PRRX1: variants seen among roughly 807,000 people sequenced by gnomAD.
PRRX1 encodes the protein paired related homeobox 1, also known as paired mesoderm homeobox protein 1.
Under a neutral mutation model 24.0 loss-of-function variants are expected in PRRX1, and 8 were observed. The ratio of observed to expected loss-of-function variants is 0.33; its 90% CI spans 0.20 to 0.60. The LOEUF is 0.60. Among genes scored for constraint, PRRX1 ranks in the 20% least tolerant of loss-of-function variants. The probability of loss-of-function intolerance (pLI) is 0.82; values close to 1 mark genes in which losing one functional copy is unlikely to be tolerated. For missense variants in PRRX1, 281 were observed against 322.4 expected (o/e 0.87, Z 0.98); for synonymous variants, 160 against 131.7 (o/e 1.22, Z -1.47).
chr1:170,711,614 G>T (rs569722580), intron 1 of PRRX1, among the ~76,000 whole-genome samples: 17 of 152,210 alleles, frequency 1.1e-4, no homozygotes, highest in Non-Finnish European at 1.5e-4. Context: ...ATTGAAAAAG[G>T]TGACATATGA....
chr1:170,687,396 C>T (rs966349255), intron 1 of PRRX1, among the ~76,000 whole-genome samples: 1 of 152,138 alleles, frequency 6.6e-6, no homozygotes, highest in Non-Finnish European at 1.5e-5. Context: ...CAGGGATGCT[C>T]CCCAACTTTT....
upstream of PRRX1, chr1:170,663,721 A>G (rs1371566049): frequency 6.5e-6 from 1 of 153,158 alleles, no homozygotes; most frequent in Admixed American, 6.5e-5. Context: ...TAACCTTTAA[A>G]AAAACCATTC....
chr1:170,724,648 C>T (rs1418349167), intron 2 of PRRX1, among the ~76,000 whole-genome samples: 1 of 152,006 alleles, frequency 6.6e-6, no homozygotes, highest in Non-Finnish European at 1.5e-5. Context: ...TGTGTGTGTG[C>T]TTTTGTACTA....
intron 1 of PRRX1, among the ~76,000 whole-genome samples, chr1:170,682,351 C>CGCCACTGCACTCCAGCCTGGG (rs1183614768): frequency 1.8e-4 from 27 of 149,982 alleles, no homozygotes; most frequent in South Asian, 6.4e-4. Context: ...CTTAAGAATG[C>CGCCACTGCACTCCAGCCTGGG]CAGTAAGGTT....
chr1:170,675,224 G>T (rs971175117), intron 1 of PRRX1, among the ~76,000 whole-genome samples: 3 of 152,022 alleles, frequency 2.0e-5, no homozygotes, highest in African/African-American at 7.2e-5. Flanking sequence ...TTCCTTTTCT[G>T]CTTGTTCTAG....
intron 3 of PRRX1, among the ~76,000 whole-genome samples, chr1:170,729,813 A>G (rs1655371324): frequency 1.3e-5 from 2 of 152,226 alleles, no homozygotes; most frequent in African/African-American, 4.8e-5. Flanking sequence ...GGCCAGTTAA[A>G]GGAAGCTTGT....
chr1:170,738,799 C>G lies in PRRX1; in HGVS notation c.*2613C>G, dbSNP rs1398455428. 4.4e-6 allele frequency: 1 copy of G among 228,428 alleles called. No individual in the cohort carries two copies. The highest frequency in any genetic ancestry group is 5.7e-5 in the Admixed American group (1 of 17,594). 14.2% of individuals were successfully genotyped at this position (228,428 alleles called of 1,614,324 possible). ...CCATTTCCAGTGGCAAACAGCAAAG[C>G]CTGAACCCATAAACCCAAATGATAG... On this transcript the variant is annotated 3_prime_UTR_variant, in exon 4 of 4. Transcript: ENST00000239461.
chr1:170,715,095 G>C (rs115084412), intron 1 of PRRX1, among the ~76,000 whole-genome samples: 1,878 of 152,078 alleles, frequency 0.012, 35 homozygotes, highest in African/African-American at 0.043. Context: ...AGACCACAAG[G>C]CTTTTTCCCT....
chr1:170,682,658 T>A (rs1653593519), intron 1 of PRRX1, among the ~76,000 whole-genome samples: 1 of 152,178 alleles, frequency 6.6e-6, no homozygotes, highest in South Asian at 2.1e-4. Flanking sequence ...GTACCTACTA[T>A]GTGCCAGTCA....
intron 1 of PRRX1, among the ~76,000 whole-genome samples, chr1:170,717,677 G>T (rs1242855951): frequency 6.6e-6 from 1 of 151,714 alleles, no homozygotes; most frequent in African/African-American, 2.4e-5. Flanking sequence ...ACAAGGGCTT[G>T]TATTACTTAG....
chr1:170,664,606 C>A, intron 1 of PRRX1, 147 bp downstream of exon 1: 1 of 1,304,634 alleles, frequency 7.7e-7, no homozygotes, highest in Non-Finnish European at 1.0e-6. Flanking sequence ...AAGGGCCAGT[C>A]ACAGGGGAAA....
intron 3 of PRRX1, chr1:170,726,617 C>T: frequency 1.8e-6 from 1 of 563,006 alleles, no homozygotes; most frequent in Non-Finnish European, 3.1e-6. Flanking sequence ...GCTATCTCAC[C>T]AATCTCCTCT....
chr1:170,670,084 A>T (rs768172477), intron 1 of PRRX1, among the ~76,000 whole-genome samples: 1 of 152,170 alleles, frequency 6.6e-6, no homozygotes. Flanking sequence ...ATTACAGGCA[A>T]TGTTTGGATA....
At chr1:170,724,566 T>C (rs1438419350) in intron 2 of PRRX1, among the ~76,000 whole-genome samples, 2 of 152,216 alleles carry the variant, frequency 1.3e-5, no homozygotes, top group African/African-American at 4.8e-5. Context: ...CTTGTTTTTG[T>C]CAGGCTTGAT....
At chr1:170,730,115 C>CTTG in intron 3 of PRRX1, 19 of 748,514 alleles carry the variant, frequency 2.5e-5, no homozygotes, top group Non-Finnish European at 4.9e-6. Flanking sequence ...GAGGGCTGGG[C>CTTG]TTAAAAGAAA....
At chr1:170,714,762 C>T (rs1654854683) in intron 1 of PRRX1, among the ~76,000 whole-genome samples, 1 of 152,142 alleles carries the variant, frequency 6.6e-6, no homozygotes, top group Non-Finnish European at 1.5e-5. Context: ...ATGCCTTCTT[C>T]TCCACCTTCC....
intron 1 of PRRX1, among the ~76,000 whole-genome samples, chr1:170,706,479 T>C (rs796652279): frequency 7.9e-5 from 12 of 152,310 alleles, no homozygotes; most frequent in African/African-American, 2.6e-4. Flanking sequence ...TTGGCAAAGT[T>C]ACATTCTCAA....
At chr1:170,723,722 A>C (rs1655163751) in intron 2 of PRRX1, among the ~76,000 whole-genome samples, 1 of 152,228 alleles carries the variant, frequency 6.6e-6, no homozygotes, top group Non-Finnish European at 1.5e-5. Flanking sequence ...TTGTGCAAAC[A>C]TCATGGAGTC....
intron 1 of PRRX1, among the ~76,000 whole-genome samples, chr1:170,682,706 A>G (rs1051079354): frequency 2.6e-5 from 4 of 152,224 alleles, no homozygotes; most frequent in African/African-American, 9.7e-5. Flanking sequence ...GAATAAAATA[A>G]ACACGTTGCT....
Sources: allele counts gnomAD v4.1 joint callset (sites outside exome capture counted in the v4.1 genomes callset), GRCh38; gene constraint gnomAD v4.1.1; transcripts MANE v1.5; gene names NCBI Gene and HGNC (gene_info 2026-07-23, HGNC 2026-07-21).